KCNH8: variants seen among roughly 807,000 people sequenced by gnomAD.
KCNH8 encodes potassium voltage-gated channel subfamily H member 8, also known as voltage-gated delayed rectifier potassium channel KCNH8.
A neutral mutation model predicts 103.6 loss-of-function variants in KCNH8; 70 were observed. The observed-to-expected ratio is 0.68, with a 90% CI of 0.56 to 0.82. The LOEUF is 0.82. Among genes scored for constraint, KCNH8 ranks in the 40% least tolerant of loss-of-function variants. The probability of loss-of-function intolerance (pLI) is 0.00; values close to 1 mark genes in which losing one functional copy is unlikely to be tolerated. For missense variants in KCNH8, 1,217 were observed against 1,329.9 expected (o/e 0.92, Z 1.32); for synonymous variants, 498 against 489.4 (o/e 1.02, Z -0.23).
chr3:19,355,807 C>A (rs917808885), intron 5 of KCNH8, among the ~76,000 whole-genome samples: 1 of 151,912 alleles, frequency 6.6e-6, no homozygotes, highest in Non-Finnish European at 1.5e-5. Context: ...GGGTGCAGCA[C>A]ACCAACATGG....
In KCNH8 at chr3:19,344,830, A is replaced by G. The variant is rs557471727; in HGVS notation, c.570+2116A>G. 3.9e-5 allele frequency among the ~76,000 whole-genome samples: 6 copies of G among 152,180 alleles called. No homozygotes were observed. The East Asian group carries it at 7.7e-4, about 20-fold the overall frequency. ...CCTTTTACTTACATCATATTATTTG[A>G]TTCTTATAGCAAGCCAGTACTAGGT... On this transcript the variant is annotated intron_variant, in intron 4 of 15. Coordinates refer to ENST00000328405, the MANE Select transcript of KCNH8 (RefSeq NM_144633.3).
chr3:19,374,363 A>C (rs1226738252), intron 5 of KCNH8, among the ~76,000 whole-genome samples: 6 of 151,572 alleles, frequency 4.0e-5, no homozygotes, highest in Non-Finnish European at 7.4e-5. Context: ...CCATTATGTA[A>C]TGGCCTTCTT....
chr3:19,246,999 A>G (rs2064215134), intron 1 of KCNH8, among the ~76,000 whole-genome samples: 1 of 152,152 alleles, frequency 6.6e-6, no homozygotes, highest in African/African-American at 2.4e-5. Context: ...CTACCTCAGC[A>G]CTAGAGTTCC....
intron 1 of KCNH8, among the ~76,000 whole-genome samples, chr3:19,204,444 C>G (rs189345377): frequency 0.012 from 1,763 of 151,428 alleles, 35 homozygotes; most frequent in African/African-American, 0.039. Context: ...GAGAGAGTGT[C>G]TGTGTGTGTG....
Position 19,383,036 on chromosome 3 carries a change from T to A in KCNH8, c.812-7445T>A, listed in dbSNP as rs556278243. On this transcript the variant is annotated intron_variant, in intron 5 of 15. Coordinates refer to ENST00000328405, the MANE Select transcript of KCNH8 (RefSeq NM_144633.3). ...TCCTCAAAACTTTTGCATAAAAGTG[T>A]TCCAGGTTACCCCTGTTCTCACAAT... is the stretch of plus-strand genomic sequence containing the variant. Among the ~76,000 whole-genome samples the A allele has an allele frequency of 1.3e-3, 195 of 152,266 alleles. 1 individual carries two copies. Among genetic ancestry groups the A allele is most frequent in the African/African-American group, 4.0e-3 (168 of 41,552 alleles).
intron 7 of KCNH8, among the ~76,000 whole-genome samples, chr3:19,402,226 T>A (rs1394808149): frequency 6.6e-6 from 1 of 151,986 alleles, no homozygotes; most frequent in African/African-American, 2.4e-5. Flanking sequence ...TTTTTGTACA[T>A]ATTGTTAATA....
At chr3:19,170,683 CATATATACACACATATATATACACAT>C (rs2063335389) in intron 1 of KCNH8, among the ~76,000 whole-genome samples, 1 of 140,658 alleles carries the variant, frequency 7.1e-6, no homozygotes, top group South Asian at 2.1e-4. Context: ...TACACACACA[CATATATACACACATATATATACACAT>C]ATATACACAC....
At chr3:19,250,906 C>G (rs2064268274) in intron 1 of KCNH8, among the ~76,000 whole-genome samples, 1 of 152,114 alleles carries the variant, frequency 6.6e-6, no homozygotes, top group African/African-American at 2.4e-5. Flanking sequence ...TGTTACCTGG[C>G]ATTATCATAT....
At chr3:19,495,099 G>C (rs1303699921) in intron 11 of KCNH8, among the ~76,000 whole-genome samples, 1 of 152,060 alleles carries the variant, frequency 6.6e-6, no homozygotes, top group African/African-American at 2.4e-5. Context: ...CTGGATATTA[G>C]ACCTTTGTTG....
intron 2 of KCNH8, among the ~76,000 whole-genome samples, chr3:19,269,401 G>T (rs989471514): frequency 1.3e-5 from 2 of 151,982 alleles, no homozygotes; most frequent in Non-Finnish European, 2.9e-5. Context: ...AACAGTAAAA[G>T]AAATCTTGTT....
rs66509260 is a variant in KCNH8 at position 19,284,508 on chromosome 3, GGTGTGTGTGTGT to G, written c.442+3213_442+3224del. On this transcript the variant is annotated intron_variant, in intron 3 of 15. Coordinates refer to ENST00000328405, the MANE Select transcript of KCNH8 (RefSeq NM_144633.3). ...ATAGCTTTCAGCTGGTGGATCTGCTGGTGTGTGTGTGTGTGTGTGTGTGTGTGTGTGTGTGTG... is the reference window on the plus strand; with the variant it reads ...ATAGCTTTCAGCTGGTGGATCTGCTGGTGTGTGTGTGTGTGTGTGTGTGTG... Among the ~76,000 whole-genome samples the G allele has an allele frequency of 2.4e-3, 325 of 136,618 alleles. 2 individuals are homozygous for G. The highest frequency in any genetic ancestry group is 7.7e-3 in the African/African-American group (287 of 37,312). The allele number at this position is 136,618 out of a possible 152,430, so 89.6% of individuals were successfully genotyped here.
chr3:19,416,847 G>A (rs953174532), intron 7 of KCNH8, among the ~76,000 whole-genome samples: 2 of 152,070 alleles, frequency 1.3e-5, no homozygotes, highest in African/African-American at 4.8e-5. Context: ...ACTTTTTAAA[G>A]CTTAAGTTTC....
At chr3:19,285,170 TA>T (rs1308343668) in intron 3 of KCNH8, among the ~76,000 whole-genome samples, 6 of 151,800 alleles carry the variant, frequency 4.0e-5, no homozygotes, top group Non-Finnish European at 8.8e-5. Context: ...AAATTCATTT[TA>T]AAAATTATAT....
At chr3:19,169,036 A>T (rs2063312334) in intron 1 of KCNH8, among the ~76,000 whole-genome samples, 1 of 152,132 alleles carries the variant, frequency 6.6e-6, no homozygotes, top group African/African-American at 2.4e-5. Context: ...CTGAAAAGAA[A>T]TTTGAAAACA....
intron 11 of KCNH8, among the ~76,000 whole-genome samples, chr3:19,463,797 G>GTA (rs1436078173): frequency 6.6e-6 from 1 of 152,048 alleles, no homozygotes; most frequent in African/African-American, 2.4e-5. Context: ...GATGTTCATT[G>GTA]TAGCTCTGCT....
intron 3 of KCNH8, among the ~76,000 whole-genome samples, chr3:19,323,144 G>A (rs2065372992): frequency 6.6e-6 from 1 of 152,010 alleles, no homozygotes. Flanking sequence ...GTGCGTCCAT[G>A]ATTGGCTTAA....
chr3:19,175,220 A>ATT (rs200814505), intron 1 of KCNH8, among the ~76,000 whole-genome samples: 1,822 of 137,656 alleles, frequency 0.013, 53 homozygotes, highest in African/African-American at 0.046. Context: ...CTGTTTTGTA[A>ATT]TTTTTTTTTT....
intron 3 of KCNH8, among the ~76,000 whole-genome samples, chr3:19,330,224 A>G (rs961329355): frequency 6.6e-6 from 1 of 152,168 alleles, no homozygotes; most frequent in African/African-American, 2.4e-5. Context: ...GGCCAAAAGT[A>G]TGTTTTCTAG....
At chr3:19,268,228 C>A (rs987928095) in intron 2 of KCNH8, among the ~76,000 whole-genome samples, 1 of 152,046 alleles carries the variant, frequency 6.6e-6, no homozygotes, top group Non-Finnish European at 1.5e-5. Context: ...AGGCAAGTTG[C>A]AGGCTCCTAT....
Sources: allele counts gnomAD v4.1 joint callset (sites outside exome capture counted in the v4.1 genomes callset), GRCh38; gene constraint gnomAD v4.1.1; transcripts MANE v1.5; gene names NCBI Gene and HGNC (gene_info 2026-07-23, HGNC 2026-07-21).